Variants in IMPDH1 observed in about 807,000 individuals in gnomAD.
IMPDH1 encodes inosine-5'-monophosphate dehydrogenase 1.
In IMPDH1, 41 loss-of-function variants were observed where a neutral mutation model predicts 73.5. The ratio of observed to expected loss-of-function variants is 0.56; its 90% confidence interval spans 0.43 to 0.72. The LOEUF (loss-of-function observed/expected upper bound fraction) is 0.72, where lower values mean the gene tolerates loss of function less well. Ranked by LOEUF, IMPDH1 falls within the 30% of genes least tolerant of loss-of-function variation. The pLI, the probability that IMPDH1 is intolerant of heterozygous loss-of-function variation, is 0.00. For synonymous variants in IMPDH1, 318 were observed against 334.3 expected, an observed-to-expected ratio of 0.95 and a Z score of 0.53; for missense variants, 645 against 824.8, an observed-to-expected ratio of 0.78 and a Z score of 2.67.
chr7:128,396,965 T>A lies in IMPDH1; in HGVS notation c.1132A>T (p.Lys378Ter), dbSNP rs1240091654. 1 of 1,613,738 alleles carries A rather than the reference T, an allele frequency of 6.2e-7. No homozygotes were observed. The highest frequency in any genetic ancestry group is 8.5e-7 in the Non-Finnish European group (1 of 1,179,968). ...CCAATCACCTGGAGGTGGGGGTACT[T>A]CTGTTTGATGTAATGCACCATGGCG... is the stretch of plus-strand genomic sequence containing the variant. ...QIAMVHYIKQKYPHLQVIGGN... is the reference protein window; with the variant it reads ...QIAMVHYIKQ Residue 378 changes from lysine to a stop codon, truncating the protein, a stop_gained, in exon 11 of 17, where the codon AAG (lysine) becomes TAG (stop). Transcript: ENST00000338791. LOFTEE classifies it high-confidence loss of function. The surrounding 1 kb of genome is among the most constrained non-coding windows in gnomAD (Gnocchi z 4.0).
chr7:128,406,193 T>TA (rs1416398125), intron 3 of IMPDH1, among the ~76,000 whole-genome samples: 1 of 242 alleles, frequency 4.1e-3, no homozygotes, highest in Non-Finnish European at 0.01. Flanking sequence ...GTAGGAGGTG[T>TA]GGGGCTGCGG....
Position 128,405,647 on chromosome 7 carries a change from G to T in IMPDH1, c.353+120C>A, listed in dbSNP as rs72624950. The T allele has an allele frequency of 1.8e-3, 2,447 of 1,355,258 alleles. 48 individuals carry two copies. The African/African-American group carries it at 0.035, about 19-fold the overall frequency. The allele number at this position is 1,355,258 out of a possible 1,614,324, so 84.0% of individuals were successfully genotyped here. A position where few individuals can be genotyped will look rare whatever the true frequency, so the allele number is the denominator to read the frequency against. ...TTCCTTCCCGTGCCCAGCCCCCAGC[G>T]CCCACAGCAGGCACTCGCACCGGGC... On this transcript the variant is annotated intron_variant, in intron 4 of 16. Coordinates refer to ENST00000338791, the MANE Select transcript of IMPDH1 (RefSeq NM_000883.4).
At position 128,396,943 on chromosome 7, in the gene IMPDH1, A is replaced by G. The variant is rs777365197; in HGVS notation, c.1154T>C (p.Ile385Thr). The change falls in exon 11 of 17, where the codon ATT becomes ACT. Residue 385 changes from isoleucine (I) to threonine (T), a missense_variant. Transcript: ENST00000338791. The surrounding 1 kb of genome is among the most constrained non-coding windows in gnomAD (Gnocchi z 4.0). Reference sequence around the variant, plus strand: ...GACCCCGCACTCACCGTTCCCCCCAATCACCTGGAGGTGGGGGTACTTCTG... The same window carrying G: ...GACCCCGCACTCACCGTTCCCCCCAGTCACCTGGAGGTGGGGGTACTTCTG... ...IKQKYPHLQV[I>T]GGNVVTAAQA... The G allele has an allele frequency of 8.7e-6, 14 of 1,612,642 alleles. No individual in the cohort carries two copies. The highest frequency in any genetic ancestry group is 1.3e-5 in the African/African-American group (1 of 74,858).
chr7:128,400,000 G>T, intron 9 of IMPDH1, 95 bp downstream of exon 9: 2 of 980,772 alleles, frequency 2.0e-6, no homozygotes, highest in Non-Finnish European at 3.2e-6. Context: ...GGCTCAGTCT[G>T]GTTGCTGGGA....
rs1797757696 is a variant in IMPDH1 at position 128,394,395 on chromosome 7, A to G, written c.1695-34T>C. On this transcript the variant is annotated intron_variant, in intron 15 of 16. Coordinates refer to ENST00000338791, the MANE Select transcript of IMPDH1 (RefSeq NM_000883.4). The surrounding 1 kb of genome is among the most constrained non-coding windows in gnomAD (Gnocchi z 5.5). ...AAGGTAGGTGGAGCAGATCAGGGCC[A>G]CCAAGGGTGGAGAAGAGCGAGAGAA... 2 of 1,613,724 alleles carry G rather than the reference A, an allele frequency of 1.2e-6. No individual in the cohort carries two copies. The highest frequency in any genetic ancestry group is 1.7e-6 in the Non-Finnish European group (2 of 1,179,684).
At chr7:128,401,815 G>A (rs945372470) in intron 5 of IMPDH1, among the ~76,000 whole-genome samples, 1 of 152,114 alleles carries the variant, frequency 6.6e-6, no homozygotes, top group African/African-American at 2.4e-5. Flanking sequence ...GGTCAGGATT[G>A]CAAGTATCCA....
chr7:128,393,477 C>T (rs909858762), intron 16 of IMPDH1, among the ~76,000 whole-genome samples: 1 of 148,494 alleles, frequency 6.7e-6, no homozygotes, highest in Non-Finnish European at 1.5e-5. Context: ...CCTGAGGTCA[C>T]GGGCATCTCT....
intron 9 of IMPDH1, among the ~76,000 whole-genome samples, chr7:128,399,140 G>A (rs1410358761): frequency 6.6e-6 from 1 of 152,178 alleles, no homozygotes. Flanking sequence ...GAGGCAGGTG[G>A]ATCACTTGAG....
chr7:128,396,853 C>T lies in IMPDH1; in HGVS notation c.1165+79G>A. The T allele has an allele frequency of 8.1e-7, 1 of 1,237,816 alleles. No homozygotes were observed. Among genetic ancestry groups the T allele is most frequent in the African/African-American group, 1.5e-5 (1 of 67,550 alleles). 76.7% of individuals were successfully genotyped at this position (1,237,816 alleles called of 1,614,324 possible). ...CCCATGCCAGGAGCCATACCATCACCTAGGGATGCTGAAGGACAGAAAAGG... is the reference window on the plus strand; with the variant it reads ...CCCATGCCAGGAGCCATACCATCACTTAGGGATGCTGAAGGACAGAAAAGG... On this transcript the variant is annotated intron_variant, in intron 11 of 16. Transcript: ENST00000338791. The surrounding 1 kb of genome is among the most constrained non-coding windows in gnomAD (Gnocchi z 4.0).
rs1309788673 is a variant in IMPDH1, at chr7:128,398,253, G to C, written c.1074+161C>G. ...ACCTCTGAGCTCAGGCAATCCTGCT[G>C]CCACCCTCCTAATTCTGACACCAGG... On this transcript the variant is annotated intron_variant, in intron 10 of 16. Coordinates refer to ENST00000338791, the MANE Select transcript of IMPDH1 (RefSeq NM_000883.4). This position sits in a 1 kb window ranked among gnomAD's most constrained non-coding sequence, Gnocchi z 4.3. Among the ~76,000 whole-genome samples the C allele has an allele frequency of 6.6e-6, 1 of 152,148 alleles. No homozygotes were observed.
intron 10 of IMPDH1, 62 bp from the exon 11 acceptor site, chr7:128,397,084 G>A (rs914358742): frequency 9.2e-7 from 1 of 1,092,086 alleles, no homozygotes; most frequent in Non-Finnish European, 1.4e-6. Context: ...GCAGGAGGGA[G>A]AGCCTGAGTG....
Position 128,396,849 on chromosome 7 carries a change from TCA to T in IMPDH1, c.1165+81_1165+82del. On this transcript the variant is annotated intron_variant, in intron 11 of 16. Coordinates refer to ENST00000338791, the MANE Select transcript of IMPDH1 (RefSeq NM_000883.4). This position sits in a 1 kb window ranked among gnomAD's most constrained non-coding sequence, Gnocchi z 4.0. ...GCCACCCATGCCAGGAGCCATACCATCACCTAGGGATGCTGAAGGACAGAAAA... is the reference window on the plus strand; with the variant it reads ...GCCACCCATGCCAGGAGCCATACCATCCTAGGGATGCTGAAGGACAGAAAA... The T allele has an allele frequency of 6.6e-6, 8 of 1,211,862 alleles. No individual in the cohort carries two copies. The highest frequency in any genetic ancestry group is 9.8e-6 in the Non-Finnish European group (8 of 819,178). 75.1% of individuals were successfully genotyped at this position (1,211,862 alleles called of 1,614,324 possible).
In IMPDH1 at chr7:128,392,665, A is replaced by G; in HGVS notation, c.*342T>C. 5.9e-6 allele frequency: 2 copies of G among 338,464 alleles called. No homozygotes were observed. Among genetic ancestry groups the G allele is most frequent in the South Asian group, 6.5e-5 (2 of 30,550 alleles). The allele number at this position is 338,464 out of a possible 1,614,324, so 21.0% of individuals were successfully genotyped here. On this transcript the variant is annotated 3_prime_UTR_variant, in exon 17 of 17. Transcript: ENST00000338791. ...GAGGCTAGGGGCAGGGAGGTGCCCT[A>G]CAGGAGAAGCCAGGAGGGGCCGCCT...
chr7:128,400,990 G>A, intron 6 of IMPDH1, 25 bp downstream of exon 6: 1 of 1,603,356 alleles, frequency 6.2e-7, no homozygotes. Context: ...GTGCCCTGGA[G>A]TCCCCATGCA....
chr7:128,405,901 G>A (rs72624947), intron 3 of IMPDH1, 36 bp from the exon 4 acceptor site: 20 of 1,480,084 alleles, frequency 1.4e-5, no homozygotes, highest in African/African-American at 1.3e-4. Context: ...ATAAACACCC[G>A]CGCGGCCGCC....
chr7:128,401,044 TCA>T lies in IMPDH1; in HGVS notation c.473_474del (p.Val158AspfsTer4). 2 of 1,614,098 alleles carry T rather than the reference TCA, an allele frequency of 1.2e-6. No homozygotes were observed. Among genetic ancestry groups the T allele is most frequent in the South Asian group, 1.1e-5 (1 of 91,082 alleles). On this transcript the variant is annotated frameshift_variant, in exon 6 of 17. Coordinates refer to ENST00000338791, the MANE Select transcript of IMPDH1 (RefSeq NM_000883.4). LOFTEE classifies it high-confidence loss of function. ...ATGGCAATGGCCATGTCAGCCTCTG[TCA>T]CAGTGTCCATGGGGGAGGAGATCAG... is the stretch of plus-strand genomic sequence containing the variant. Reference protein sequence around the residue: ...TPLISSPMDTVTEADMAIAMA... With the variant: ...TPLISSPMDTXTEADMAIAMA...
At position 128,394,118 on chromosome 7, in the gene IMPDH1, G is replaced by A. The variant is rs1284723310; in HGVS notation, c.1778+160C>T. On this transcript the variant is annotated intron_variant, in intron 16 of 16. Coordinates refer to ENST00000338791, the MANE Select transcript of IMPDH1 (RefSeq NM_000883.4). The surrounding 1 kb of genome is among the most constrained non-coding windows in gnomAD (Gnocchi z 5.5). ...ACTAAAGGACAAGGAACAGGGGGCT[G>A]GGCCCCCGAAGAGAGGGTGAGGGGC... is the stretch of plus-strand genomic sequence containing the variant. Among the ~76,000 whole-genome samples, 2 of 152,140 alleles carry A rather than the reference G, an allele frequency of 1.3e-5. No homozygotes were observed. Among genetic ancestry groups the A allele is most frequent in the Non-Finnish European group, 2.9e-5 (2 of 68,006 alleles).
Position 128,409,944 on chromosome 7 carries a change from C to T in IMPDH1, c.-43G>A, listed in dbSNP as rs1335897909. The stretch of plus-strand genomic sequence containing the variant: ...GGGCGGGCGGGAGCCTGGAGGCTCC[C>T]GGGGCCCCGGCTGGGCAGTGAGCGC... On this transcript the variant is annotated 5_prime_UTR_variant, in exon 1 of 17. Transcript: ENST00000338791. 1.4e-5 allele frequency: 18 copies of T among 1,322,376 alleles called. No individual in the cohort carries two copies. In the South Asian group the frequency reaches 2.9e-4, roughly 21 times the overall value. The allele number at this position is 1,322,376 out of a possible 1,614,324, so 81.9% of individuals were successfully genotyped here. A position where few individuals can be genotyped will look rare whatever the true frequency, so the allele number is the denominator to read the frequency against.
At chr7:128,397,274 C>G (rs1584724113) in intron 10 of IMPDH1, among the ~76,000 whole-genome samples, 1 of 151,530 alleles carries the variant, frequency 6.6e-6, no homozygotes, top group Non-Finnish European at 1.5e-5. Flanking sequence ...CCTTTCCTAT[C>G]CATTGTACAG....
Sources: allele counts gnomAD v4.1 joint callset (sites outside exome capture counted in the v4.1 genomes callset), GRCh38; gene constraint gnomAD v4.1.1; non-coding constraint Gnocchi (gnomAD v3.1); transcripts MANE v1.5; gene names NCBI Gene and HGNC (gene_info 2026-07-23, HGNC 2026-07-21).